The following CD109 variants were observed in gnomAD, a reference collection of about 807,000 sequenced individuals.
CD109 encodes CD109 molecule, also known as CD109 antigen.
Under a neutral mutation model 165.8 loss-of-function variants are expected in CD109, and 149 were observed. The observed-to-expected ratio is 0.90, with a 90% CI of 0.79 to 1.03. CD109 has a LOEUF of 1.03. CD109 is among the 50% of genes least tolerant of loss of function. The pLI is 0.00. For missense variants in CD109, 1,712 were observed against 1,677.8 expected (o/e 1.02, Z -0.36); for synonymous variants, 585 against 592.1 (o/e 0.99, Z 0.18).
At chr6:73,720,334 G>A (rs1426267678) in intron 2 of CD109, among the ~76,000 whole-genome samples, 1 of 152,078 alleles carries the variant, frequency 6.6e-6, no homozygotes, top group African/African-American at 2.4e-5. Context: ...AGAAACAAAG[G>A]GTAAAATGGC....
At chr6:73,703,619 A>T (rs1337054102) in intron 2 of CD109, among the ~76,000 whole-genome samples, 2 of 152,196 alleles carry the variant, frequency 1.3e-5, no homozygotes, top group African/African-American at 4.8e-5. Flanking sequence ...AAGACCTAAG[A>T]TATATTTACA....
intron 5 of CD109, among the ~76,000 whole-genome samples, chr6:73,752,552 A>G (rs970297149): frequency 2.0e-5 from 3 of 152,176 alleles, no homozygotes; most frequent in African/African-American, 7.2e-5. Context: ...CTTATTTTCT[A>G]CTTCTGCTTT....
At chr6:73,690,751 C>T in the CD109 span, among the ~76,000 whole-genome samples, 1 of 152,058 alleles carries the variant, frequency 6.6e-6, no homozygotes, top group South Asian at 2.1e-4. Flanking sequence ...TGAGGAAATG[C>T]TTATGATGGA....
chr6:73,773,847 C>T (rs964827041), intron 15 of CD109, among the ~76,000 whole-genome samples: 1 of 152,042 alleles, frequency 6.6e-6, no homozygotes, highest in Non-Finnish European at 1.5e-5. Context: ...TATTTTTTCT[C>T]TCCTTCTGGG....
intron 23 of CD109, among the ~76,000 whole-genome samples, chr6:73,793,623 C>T (rs1775048008): frequency 2.6e-5 from 4 of 152,230 alleles, no homozygotes; most frequent in Admixed American, 2.6e-4. Flanking sequence ...ATGCTCTTGA[C>T]ATCCATACCT....
Position 73,730,479 on chromosome 6 carries a change from G to A in CD109, c.412G>A (p.Ala138Thr), listed in dbSNP as rs1450972481. 5.6e-6 allele frequency: 9 copies of A among 1,613,816 alleles called. No individual in the cohort carries two copies. Among genetic ancestry groups the A allele is most frequent in the African/African-American group, 1.3e-5 (1 of 74,890 alleles). The change falls in exon 4 of 33, where the codon GCC becomes ACC. Residue 138 changes from alanine to threonine, a missense_variant. By Grantham distance (58) the Ala-to-Thr change is moderately conservative (BLOSUM62 0). Transcript: ENST00000287097. The stretch of plus-strand genomic sequence containing the variant: ...ATCTGTCTTCATTCAAACAGACAAG[G>A]CCTTATACAAGCCAAAGCAAGAAGT... ...RISVFIQTDK[A>T]LYKPKQEVKF...
intron 30 of CD109, among the ~76,000 whole-genome samples, chr6:73,817,780 G>A (rs184826073): frequency 8.3e-4 from 127 of 152,268 alleles, no homozygotes; most frequent in Non-Finnish European, 1.4e-3. Flanking sequence ...GCGAGAGAAG[G>A]ATGCAGTGTA....
intron 13 of CD109, among the ~76,000 whole-genome samples, chr6:73,767,647 G>A (rs1387862410): frequency 1.3e-5 from 2 of 151,838 alleles, no homozygotes; most frequent in Non-Finnish European, 2.9e-5. Flanking sequence ...ACTAAACCTT[G>A]TTTTATGTTT....
intron 23 of CD109, among the ~76,000 whole-genome samples, chr6:73,796,039 C>T (rs1206827877): frequency 6.6e-6 from 1 of 152,066 alleles, no homozygotes; most frequent in Non-Finnish European, 1.5e-5. Context: ...TGTCCATTCT[C>T]CCTCTAAAAA....
Position 73,707,086 on chromosome 6 carries a change from G to C in CD109, c.247+9514G>C, listed in dbSNP as rs576807859. On this transcript the variant is annotated intron_variant, in intron 2 of 32. Transcript: ENST00000287097. ...CAGGGAAGCAGAGTAGGCTTCATTT[G>C]ATGTGTCCTCCCACGTTGATTATAG... Among the ~76,000 whole-genome samples the C allele has an allele frequency of 1.3e-3, 194 of 152,330 alleles. 1 individual carries two copies. The highest frequency in any genetic ancestry group is 2.6e-4 in the Non-Finnish European group (18 of 68,018).
upstream of CD109, among the ~76,000 whole-genome samples, chr6:73,693,740 A>G (rs372522683): frequency 5.6e-3 from 849 of 152,048 alleles, 14 homozygotes; most frequent in African/African-American, 0.019. Context: ...TAGTAGAGAC[A>G]GGGTTTCACC....
In CD109 at chr6:73,811,149, T is replaced by A. The variant is rs774372859; in HGVS notation, c.3702+2T>A. ...CGCTTACTCCTTCAGACAGCAGAGG[T>A]GTGGGCAAGGGGCAGTTATTTAAAA... On this transcript the variant is annotated splice_donor_variant, in intron 28 of 32. Transcript: ENST00000287097. LOFTEE classifies it high-confidence loss of function. The A allele has an allele frequency of 1.9e-6, 3 of 1,611,046 alleles. No individual in the cohort carries two copies. The highest frequency in any genetic ancestry group is 2.5e-6 in the Non-Finnish European group (3 of 1,178,800).
chr6:73,737,008 G>C (rs1160247434), intron 5 of CD109, among the ~76,000 whole-genome samples: 1 of 152,076 alleles, frequency 6.6e-6, no homozygotes, highest in Admixed American at 6.6e-5. Context: ...GTATAGCTCT[G>C]AAATCTAAAT....
At position 73,824,105 on chromosome 6, in the gene CD109, A is replaced by T. The variant is rs1776199008; in HGVS notation, c.*472A>T. The T allele has an allele frequency of 7.8e-6, 1 of 127,814 alleles. No homozygotes were observed. Among genetic ancestry groups the T allele is most frequent in the African/African-American group, 2.9e-5 (1 of 34,066 alleles). The allele number at this position is 127,814 out of a possible 1,614,324, so 7.9% of individuals were successfully genotyped here. A position where few individuals can be genotyped will look rare whatever the true frequency, so the allele number is the denominator to read the frequency against. On this transcript the variant is annotated 3_prime_UTR_variant, in exon 33 of 33. Coordinates refer to ENST00000287097, the MANE Select transcript of CD109 (RefSeq NM_133493.5). ...TAGCCCTACTGCCCACCCCACCCCA[A>T]CCCACCCCATGCCCAGTGGTCTCAG...
At chr6:73,756,906 A>C (rs573269020) in intron 6 of CD109, among the ~76,000 whole-genome samples, 8 of 152,338 alleles carry the variant, frequency 5.3e-5, no homozygotes, top group Non-Finnish European at 1.2e-4. Context: ...GCATTGTGCT[A>C]GTCTTTTTCT....
chr6:73,808,026 C>T (rs1384029792), intron 25 of CD109, 57 bp from the exon 26 acceptor site: 1 of 1,484,160 alleles, frequency 6.7e-7, no homozygotes, highest in Non-Finnish European at 9.2e-7. Context: ...CTTTTTGTTT[C>T]AGTATGTGGT....
At chr6:73,715,273 A>T (rs1468430074) in intron 2 of CD109, among the ~76,000 whole-genome samples, 1 of 151,694 alleles carries the variant, frequency 6.6e-6, no homozygotes, top group Non-Finnish European at 1.5e-5. Flanking sequence ...AACAAACAAA[A>T]AACCAGTGAT....
chr6:73,738,382 C>T (rs72955217), intron 5 of CD109, among the ~76,000 whole-genome samples: 3,710 of 152,286 alleles, frequency 0.024, 65 homozygotes, highest in East Asian at 0.042. Context: ...GTGGGTGGGC[C>T]GCCCTGGGTC....
intron 29 of CD109, among the ~76,000 whole-genome samples, chr6:73,813,526 G>A (rs1438055948): frequency 6.6e-6 from 1 of 152,094 alleles, no homozygotes; most frequent in Non-Finnish European, 1.5e-5. Flanking sequence ...GAAGGGACTA[G>A]TAGGCACCTC....
Sources: allele counts gnomAD v4.1 joint callset (sites outside exome capture counted in the v4.1 genomes callset), GRCh38; gene constraint gnomAD v4.1.1; transcripts MANE v1.5; gene names NCBI Gene and HGNC (gene_info 2026-07-23, HGNC 2026-07-21).